B3GALT1: variants seen among roughly 807,000 people sequenced by gnomAD.
B3GALT1 encodes UDP-Gal:betaGlcNAc beta 1,3-galactosyltransferase, polypeptide 1.
Under a neutral mutation model 23.2 loss-of-function variants are expected in B3GALT1, and 10 were observed. That is an observed-to-expected ratio of 0.43 (90% CI 0.27 to 0.73). The LOEUF is 0.73. Ranked by LOEUF, B3GALT1 falls within the 30% of genes least tolerant of loss-of-function variation. The pLI, the probability that B3GALT1 is intolerant of heterozygous loss-of-function variation, is 0.21. For missense variants in B3GALT1, 299 were observed against 405.4 expected, an observed-to-expected ratio of 0.74 and a Z score of 2.25; for synonymous variants, 156 against 141.5, an observed-to-expected ratio of 1.10 and a Z score of -0.73.
chr2:167,596,742 A>G (rs1431749464), intron 2 of B3GALT1, among the ~76,000 whole-genome samples: 1 of 152,200 alleles, frequency 6.6e-6, no homozygotes, highest in African/African-American at 2.4e-5. Context: ...TAGTGCCCAC[A>G]GCAGTTGAAT....
At chr2:167,313,050 C>T (rs1330142611) in intron 1 of B3GALT1, among the ~76,000 whole-genome samples, 1 of 152,012 alleles carries the variant, frequency 6.6e-6, no homozygotes, top group African/African-American at 2.4e-5. Flanking sequence ...CTCTCACTCC[C>T]TTAAAATATA....
chr2:167,507,091 A>G (rs947916988), intron 2 of B3GALT1, among the ~76,000 whole-genome samples: 1 of 152,194 alleles, frequency 6.6e-6, no homozygotes, highest in Admixed American at 6.5e-5. Context: ...AGAATAATAG[A>G]AAGTTTGCCA....
chr2:167,646,796 C>T (rs2105460334), intron 2 of B3GALT1, among the ~76,000 whole-genome samples, 113 bp from the exon 3 acceptor site: 1 of 152,234 alleles, frequency 6.6e-6, no homozygotes, highest in East Asian at 1.9e-4. Flanking sequence ...ATTTTTGTGA[C>T]AATAAATTTT....
intron 1 of B3GALT1, among the ~76,000 whole-genome samples, chr2:167,393,675 C>A (rs983879930): frequency 3.5e-5 from 5 of 144,924 alleles, no homozygotes; most frequent in Non-Finnish European, 7.4e-5. Context: ...TCAATAATAA[C>A]CTTTTGGAAT....
At chr2:167,519,041 G>A (rs1462256955) in intron 2 of B3GALT1, among the ~76,000 whole-genome samples, 1 of 152,088 alleles carries the variant, frequency 6.6e-6, no homozygotes. Flanking sequence ...GGCAAAGCTG[G>A]CTTCACTTCT....
chr2:167,330,531 G>A (rs1696957077), intron 1 of B3GALT1, among the ~76,000 whole-genome samples: 1 of 152,158 alleles, frequency 6.6e-6, no homozygotes, highest in Admixed American at 6.5e-5. Flanking sequence ...GATCACCTGA[G>A]CCCAGGAGGT....
intron 2 of B3GALT1, among the ~76,000 whole-genome samples, chr2:167,527,430 A>T (rs538867827): frequency 1.3e-5 from 2 of 150,796 alleles, no homozygotes; most frequent in East Asian, 2.0e-4. Flanking sequence ...TTTCTCCCTT[A>T]TGTGATTTAT....
rs1350378112 is a variant in B3GALT1 at position 167,869,720 on chromosome 2, C to T, written c.681C>T (p.Tyr227=). The T allele has an allele frequency of 6.2e-7, 1 of 1,613,974 alleles. No homozygotes were observed. The highest frequency in any genetic ancestry group is 1.3e-5 in the African/African-American group (1 of 74,914). Residue 227 remains tyrosine, a synonymous_variant, in exon 5 of 5, where the codon TAC becomes TAT. Transcript: ENST00000392690. The surrounding 1 kb of genome is among the most constrained non-coding windows in gnomAD (Gnocchi z 6.4). ...RSKWYMPRDL[Y]PDSNYPPFCS... Reference sequence around the variant, plus strand: ...AGTGGTATATGCCCAGGGATTTGTACCCAGACAGTAACTACCCACCTTTCT... The same window carrying T: ...AGTGGTATATGCCCAGGGATTTGTATCCAGACAGTAACTACCCACCTTTCT...
rs79704937 is a variant in B3GALT1, at chr2:167,454,187, T to G, written c.-510-35990T>G. On this transcript the variant is annotated intron_variant, in intron 1 of 4. Coordinates refer to ENST00000392690, the MANE Select transcript of B3GALT1 (RefSeq NM_020981.4). ...ATGAACCAGTTTTCCGATGTAGGTA[T>G]AACAGGAAAGTGTGTGTGTGTGTGC... Among the ~76,000 whole-genome samples the G allele has an allele frequency of 7.5e-4, 113 of 150,538 alleles. 1 individual carries two copies. In the East Asian group the frequency reaches 0.018, roughly 24 times the overall value.
rs73021732 is a variant in B3GALT1 at position 167,388,120 on chromosome 2, C to A, written c.-511+94786C>A. Among the ~76,000 whole-genome samples, 494 of 152,188 alleles carry A rather than the reference C, an allele frequency of 3.2e-3. 3 individuals are homozygous for A. Among genetic ancestry groups the A allele is most frequent in the African/African-American group, 0.012 (483 of 41,524 alleles). On this transcript the variant is annotated intron_variant, in intron 1 of 4. Transcript: ENST00000392690. ...AGGAGCATTCTAGAGATGGAGGAGA[C>A]CTTCGGAGGCATTAGAATACTAAAT...
At chr2:167,463,010 A>C (rs562591239) in intron 1 of B3GALT1, among the ~76,000 whole-genome samples, 1 of 152,170 alleles carries the variant, frequency 6.6e-6, no homozygotes, top group African/African-American at 2.4e-5. Context: ...CGTATCTGTT[A>C]ATGAAATTTG....
chr2:167,438,898 G>A (rs920826732), intron 1 of B3GALT1, among the ~76,000 whole-genome samples: 1 of 152,168 alleles, frequency 6.6e-6, no homozygotes, highest in Non-Finnish European at 1.5e-5. Context: ...GAGAGGAAGT[G>A]ACTATTTCCC....
chr2:167,838,956 T>A (rs1318081503), intron 4 of B3GALT1, among the ~76,000 whole-genome samples: 2 of 152,114 alleles, frequency 1.3e-5, no homozygotes, highest in Non-Finnish European at 2.9e-5. Context: ...ATGCAGAAAA[T>A]GCCTTTGACA....
intron 2 of B3GALT1, among the ~76,000 whole-genome samples, chr2:167,563,882 A>C (rs780164282): frequency 0.014 from 1,114 of 80,198 alleles, 17 homozygotes; most frequent in Non-Finnish European, 0.015. Flanking sequence ...CATCTGCCGG[A>C]CGGGGCGGCC....
intron 2 of B3GALT1, among the ~76,000 whole-genome samples, chr2:167,598,760 A>T (rs991328489): frequency 2.0e-5 from 3 of 152,276 alleles, no homozygotes; most frequent in African/African-American, 7.2e-5. Flanking sequence ...TACATATATA[A>T]TAGGGCTCTT....
chr2:167,325,195 T>G (rs1039078817), intron 1 of B3GALT1, among the ~76,000 whole-genome samples: 8 of 152,118 alleles, frequency 5.3e-5, no homozygotes, highest in Non-Finnish European at 8.8e-5. Flanking sequence ...TTTGATATAT[T>G]GATTTCTTTT....
chr2:167,398,254 CT>C (rs1265858154), intron 1 of B3GALT1, among the ~76,000 whole-genome samples: 1 of 151,980 alleles, frequency 6.6e-6, no homozygotes, highest in African/African-American at 2.4e-5. Flanking sequence ...GACCAAAAAG[CT>C]TTGTTTTTCA....
At chr2:167,758,412 G>A (rs1398856435) in intron 3 of B3GALT1, among the ~76,000 whole-genome samples, 2 of 152,130 alleles carry the variant, frequency 1.3e-5, no homozygotes, top group African/African-American at 2.4e-5. Flanking sequence ...TGATCTCAGC[G>A]ATAGGACATA....
intron 2 of B3GALT1, among the ~76,000 whole-genome samples, chr2:167,530,903 G>C (rs920339241): frequency 1.3e-5 from 2 of 152,166 alleles, no homozygotes; most frequent in Non-Finnish European, 2.9e-5. Context: ...TGCTTAGGTA[G>C]ATTAGCCTGC....
Sources: allele counts gnomAD v4.1 joint callset (sites outside exome capture counted in the v4.1 genomes callset), GRCh38; gene constraint gnomAD v4.1.1; non-coding constraint Gnocchi (gnomAD v3.1); transcripts MANE v1.5; gene names NCBI Gene and HGNC (gene_info 2026-07-23, HGNC 2026-07-21).